Variants in ANKFN1 observed in about 807,000 individuals in gnomAD.
ANKFN1 encodes the protein ankyrin repeat and fibronectin type III domain containing 1.
In ANKFN1, 74 loss-of-function variants were observed where a neutral mutation model predicts 108.7. The ratio of observed to expected loss-of-function variants is 0.68; its 90% CI spans 0.56 to 0.83. The LOEUF is 0.83. ANKFN1 is among the 40% of genes least tolerant of loss of function. The pLI is 0.00. For synonymous variants in ANKFN1, 547 were observed against 516.2 expected (o/e 1.06, Z -0.81); for missense variants, 1,505 against 1,382.3 (o/e 1.09, Z -1.41).
At chr17:56,489,985 A>G (rs2050982748) in intron 18 of ANKFN1, among the ~76,000 whole-genome samples, 1 of 152,230 alleles carries the variant, frequency 6.6e-6, no homozygotes, top group South Asian at 2.1e-4. Context: ...CAGTAAAGGA[A>G]AGACAATGGA....
At chr17:56,242,255 A>G (rs1220752429) in intron 3 of ANKFN1, among the ~76,000 whole-genome samples, 1 of 152,126 alleles carries the variant, frequency 6.6e-6, no homozygotes, top group African/African-American at 2.4e-5. Context: ...AAAAATCTCT[A>G]TAAGAATTTT....
intron 4 of ANKFN1, among the ~76,000 whole-genome samples, chr17:56,069,376 T>G (rs1905095587): frequency 6.6e-6 from 1 of 152,172 alleles, no homozygotes; most frequent in Admixed American, 6.5e-5. Context: ...AAGGCTGACC[T>G]GAGACTGGAC....
intron 3 of ANKFN1, among the ~76,000 whole-genome samples, chr17:56,268,945 A>C (rs931704305): frequency 6.6e-5 from 10 of 152,200 alleles, no homozygotes; most frequent in Admixed American, 1.3e-4. Flanking sequence ...TGCTCAGAAA[A>C]TGCTTCACAA....
chr17:56,381,905 G>C (rs2144818590), intron 8 of ANKFN1, among the ~76,000 whole-genome samples: 1 of 152,124 alleles, frequency 6.6e-6, no homozygotes, highest in African/African-American at 2.4e-5. Context: ...AGCAAGGCAG[G>C]CCAACATTCA....
At chr17:56,385,135 G>A (rs894109538) in intron 8 of ANKFN1, among the ~76,000 whole-genome samples, 12 of 151,306 alleles carry the variant, frequency 7.9e-5, no homozygotes, top group African/African-American at 2.9e-4. Context: ...TAGATCAATG[G>A]AACAGAACAG....
chr17:56,361,272 C>G (rs1336941219), intron 6 of ANKFN1, among the ~76,000 whole-genome samples: 1 of 152,008 alleles, frequency 6.6e-6, no homozygotes, highest in Admixed American at 6.6e-5. Context: ...ATAGCCCACC[C>G]AACTAATCCC....
At chr17:56,357,330 G>A (rs2046402029) in intron 6 of ANKFN1, among the ~76,000 whole-genome samples, 1 of 152,198 alleles carries the variant, frequency 6.6e-6, no homozygotes, top group Admixed American at 6.5e-5. Context: ...CATTTTAAGA[G>A]GAGGAACTTG....
At chr17:56,181,942 A>G (rs1221817955) in intron 1 of ANKFN1, among the ~76,000 whole-genome samples, 2 of 151,984 alleles carry the variant, frequency 1.3e-5, no homozygotes, top group African/African-American at 2.4e-5. Context: ...CTTTTTTGCT[A>G]TTATTTTATC....
chr17:56,329,981 T>C (rs2045616951), intron 4 of ANKFN1, among the ~76,000 whole-genome samples: 2 of 152,176 alleles, frequency 1.3e-5, no homozygotes, highest in Admixed American at 1.3e-4. Flanking sequence ...TCTTGGACTT[T>C]CCAGTCTCCA....
rs905326749 is a variant in ANKFN1 at position 56,107,532 on chromosome 17, T to G, written c.288+61207T>G. Among the ~76,000 whole-genome samples, 3 of 152,184 alleles carry G rather than the reference T, an allele frequency of 2.0e-5. No individual in the cohort carries two copies. The East Asian group carries it at 5.8e-4, about 29-fold the overall frequency. ...TTTCTTTATTTTTAAGGGGCTGTGT[T>G]TAAGGAGCTTGTTGGGAAACTAAGC... On this transcript the variant is annotated intron_variant, in intron 4 of 12. Transcript: ENST00000635860.
intron 4 of ANKFN1, chr17:56,111,110 C>T (rs1007345900): frequency 2.6e-5 from 4 of 152,342 alleles, no homozygotes. Flanking sequence ...CTGGCCCACT[C>T]CCCCTGCCCC....
chr17:56,095,891 C>T (rs1905523920), intron 4 of ANKFN1, among the ~76,000 whole-genome samples: 1 of 152,106 alleles, frequency 6.6e-6, no homozygotes, highest in Non-Finnish European at 1.5e-5. Context: ...CCAGAGTGGC[C>T]TAACTGAGCC....
intron 8 of ANKFN1, among the ~76,000 whole-genome samples, chr17:56,412,523 TG>T (rs2048121916): frequency 6.6e-6 from 1 of 152,190 alleles, no homozygotes; most frequent in African/African-American, 2.4e-5. Context: ...GCTACCAGCA[TG>T]GCTAGGATAA....
At chr17:56,228,095 T>C in intron 3 of ANKFN1, 138 bp downstream of exon 3, 1 of 679,166 alleles carries the variant, frequency 1.5e-6, no homozygotes, top group South Asian at 2.1e-5. Flanking sequence ...TAACATTTCA[T>C]ACTATTGATT....
At chr17:56,124,962 G>T (rs964133476) in intron 4 of ANKFN1, among the ~76,000 whole-genome samples, 2 of 152,142 alleles carry the variant, frequency 1.3e-5, no homozygotes, top group Non-Finnish European at 2.9e-5. Context: ...ATTTTGGTTG[G>T]GGTAATGAAT....
In ANKFN1 at chr17:56,456,916, A is replaced by G. The variant is rs2049725774; in HGVS notation, c.1263A>G (p.Lys421=). The part of the protein sequence containing the change: ...GRKQSVSRSL[K]HLFHSSNKFV... The stretch of plus-strand genomic sequence containing the variant: ...AGCAGTCAGTCTCAAGAAGCCTGAA[A>G]CACCTGTTCCATTCCTCGAACAAGT... The change falls in exon 12 of 21, where the codon AAA becomes AAG. Residue 421 remains lysine, a synonymous_variant. Transcript: ENST00000682825. 1.2e-6 allele frequency: 2 copies of G among 1,614,178 alleles called. No homozygotes were observed. The highest frequency in any genetic ancestry group is 1.7e-5 in the Admixed American group (1 of 60,030).
chr17:56,103,021 T>C (rs182145444), intron 4 of ANKFN1, among the ~76,000 whole-genome samples: 2 of 152,346 alleles, frequency 1.3e-5, no homozygotes, highest in East Asian at 1.9e-4. Context: ...TAAATGAGCA[T>C]CTGCTGTTTG....
chr17:56,148,886 C>T (rs75954583), upstream of ANKFN1, among the ~76,000 whole-genome samples: 2 of 152,208 alleles, frequency 1.3e-5, no homozygotes, highest in East Asian at 3.9e-4. Flanking sequence ...TTTTTGAGTA[C>T]TTACAATGAG....
intron 3 of ANKFN1, among the ~76,000 whole-genome samples, chr17:56,297,831 A>G (rs2044557771): frequency 1.3e-5 from 2 of 152,246 alleles, no homozygotes; most frequent in Admixed American, 1.3e-4. Flanking sequence ...GAAACCTCCA[A>G]TTAATGAGTA....
Sources: gnomAD v4.1 joint callset for allele counts (sites outside exome capture counted in the v4.1 genomes callset) on GRCh38, gnomAD v4.1.1 for gene constraint, MANE v1.5 for transcripts, NCBI Gene and HGNC (gene_info 2026-07-23, HGNC 2026-07-21) for gene names.